ARID4B: variants seen among roughly 807,000 people sequenced by gnomAD.
ARID4B encodes AT-rich interaction domain 4B.
ARID4B carries 26 observed loss-of-function variants against 147.5 expected under a neutral mutation model. The ratio of observed to expected loss-of-function variants is 0.18; its 90% confidence interval spans 0.13 to 0.24. The LOEUF (loss-of-function observed/expected upper bound fraction) is 0.24, where lower values mean the gene tolerates loss of function less well. ARID4B is among the 10% of genes least tolerant of loss of function. ARID4B has a pLI of 1.00. For missense variants in ARID4B, 1,179 were observed against 1,511.5 expected, an observed-to-expected ratio of 0.78 and a Z score of 3.65; for synonymous variants, 512 against 507.9, an observed-to-expected ratio of 1.01 and a Z score of -0.11.
intron 2 of ARID4B, among the ~76,000 whole-genome samples, chr1:235,322,271 C>T (rs1486930851): frequency 6.6e-6 from 1 of 152,130 alleles, no homozygotes; most frequent in Non-Finnish European, 1.5e-5. Context: ...CCACCTGCCT[C>T]AACCTCCCAA....
intron 17 of ARID4B, among the ~76,000 whole-genome samples, chr1:235,208,802 C>A (rs887939397): frequency 6.6e-6 from 1 of 152,160 alleles, no homozygotes; most frequent in African/African-American, 2.4e-5. Flanking sequence ...CAGGCGTGAG[C>A]CACCGTGCCC....
chr1:235,320,120 C>T (rs193028657), intron 2 of ARID4B, among the ~76,000 whole-genome samples: 28 of 143,688 alleles, frequency 1.9e-4, no homozygotes, highest in African/African-American at 7.4e-4. Context: ...AGCGAAACTC[C>T]GTCTAAAAAA....
At chr1:235,191,079 C>A (rs1177056643) in intron 19 of ARID4B, among the ~76,000 whole-genome samples, 1 of 152,084 alleles carries the variant, frequency 6.6e-6, no homozygotes, top group African/African-American at 2.4e-5. Context: ...TGTGCCACTA[C>A]CTAGATCAGC....
At chr1:235,262,605 T>TA (rs2103120864) in intron 2 of ARID4B, among the ~76,000 whole-genome samples, 1 of 152,306 alleles carries the variant, frequency 6.6e-6, no homozygotes, top group African/African-American at 2.4e-5. Context: ...AAATTATGGT[T>TA]ACATTCCAGG....
chr1:235,320,354 G>A (rs146549770), intron 2 of ARID4B, among the ~76,000 whole-genome samples: 1 of 152,132 alleles, frequency 6.6e-6, no homozygotes, highest in African/African-American at 2.4e-5. Flanking sequence ...TGTGCAAGTT[G>A]CAGTAAGTAG....
chr1:235,242,600 G>A (rs1669059924), intron 7 of ARID4B, among the ~76,000 whole-genome samples: 1 of 152,154 alleles, frequency 6.6e-6, no homozygotes, highest in African/African-American at 2.4e-5. Context: ...CAATGTCAGA[G>A]ATAACACATA....
At chr1:235,271,564 A>G (rs1193393605) in intron 2 of ARID4B, among the ~76,000 whole-genome samples, 1 of 151,556 alleles carries the variant, frequency 6.6e-6, no homozygotes, top group Non-Finnish European at 1.5e-5. Context: ...CGGGAGGCGG[A>G]GATTGCAGTG....
chr1:235,260,442 CA>C (rs34620340), intron 3 of ARID4B, among the ~76,000 whole-genome samples, 199 bp downstream of exon 3: 1 of 152,152 alleles, frequency 6.6e-6, no homozygotes, highest in African/African-American at 2.4e-5. Flanking sequence ...AAATGGCATT[CA>C]AAATACCAAC....
intron 23 of ARID4B, among the ~76,000 whole-genome samples, chr1:235,171,833 G>A (rs1461008696): frequency 6.6e-6 from 1 of 151,946 alleles, no homozygotes; most frequent in Non-Finnish European, 1.5e-5. Flanking sequence ...GTAGAGACGG[G>A]GTTTCACTAT....
chr1:235,213,312 T>C (rs1417516475), intron 17 of ARID4B, among the ~76,000 whole-genome samples: 2 of 152,184 alleles, frequency 1.3e-5, no homozygotes, highest in African/African-American at 4.8e-5. Context: ...CAATAGCTGT[T>C]AATAAGGAGA....
intron 2 of ARID4B, among the ~76,000 whole-genome samples, chr1:235,289,540 A>G (rs1672191324): frequency 6.6e-6 from 1 of 152,064 alleles, no homozygotes; most frequent in African/African-American, 2.4e-5. Flanking sequence ...CCTGGACAAC[A>G]TAGTGAGGCC....
In ARID4B at chr1:235,175,414, A is replaced by G; in HGVS notation, c.3449-15T>C. On this transcript the variant is annotated splice_polypyrimidine_tract_variant and intron_variant, in intron 21 of 23. Transcript: ENST00000264183. Reference sequence around the variant, plus strand: ...ACTACTATTTGCTGAAAGAGAAAGAAAAGATTTAATAAACAAAAATGTAAC... The same window carrying G: ...ACTACTATTTGCTGAAAGAGAAAGAGAAGATTTAATAAACAAAAATGTAAC... 1 of 1,581,762 alleles carries G rather than the reference A, an allele frequency of 6.3e-7. No individual in the cohort carries two copies. Among genetic ancestry groups the G allele is most frequent in the South Asian group, 1.1e-5 (1 of 88,066 alleles).
intron 17 of ARID4B, among the ~76,000 whole-genome samples, chr1:235,203,598 GAATA>G (rs1438343199): frequency 1.3e-5 from 2 of 151,962 alleles, no homozygotes; most frequent in Non-Finnish European, 2.9e-5. Context: ...TTTCTATAAT[GAATA>G]GATTCATTTA....
At chr1:235,242,992 CT>C (rs1039113423) in intron 7 of ARID4B, among the ~76,000 whole-genome samples, 2 of 151,766 alleles carry the variant, frequency 1.3e-5, no homozygotes, top group Admixed American at 6.6e-5. Context: ...TATGTTTATT[CT>C]TTTTTTTCAC....
intron 17 of ARID4B, among the ~76,000 whole-genome samples, chr1:235,196,853 C>CAAAAAAAAAAAAAA (rs34581094): frequency 4.5e-5 from 4 of 88,484 alleles, no homozygotes; most frequent in Admixed American, 1.4e-4. Flanking sequence ...CTCTGTTTCA[C>CAAAAAAAAAAAAAA]AAAAAAAAAA....
At chr1:235,178,055 C>A in intron 20 of ARID4B, 142 bp from the exon 21 acceptor site, 1 of 470,576 alleles carries the variant, frequency 2.1e-6, no homozygotes. Flanking sequence ...GAACTTACTA[C>A]AATTTTTAAA....
chr1:235,182,451 C>G lies in ARID4B; in HGVS notation c.2468G>C (p.Gly823Ala), dbSNP rs1343028214. 6.2e-7 allele frequency: 1 copy of G among 1,611,714 alleles called. No individual in the cohort carries two copies. Among genetic ancestry groups the G allele is most frequent in the Admixed American group, 1.7e-5 (1 of 59,486 alleles). Residue 823 changes from glycine (G) to alanine (A), a missense_variant, in exon 20 of 24, where the codon GGT (glycine) becomes GCT (alanine). Physicochemically the swap from Gly to Ala is moderately conservative, Grantham distance 60 (BLOSUM62 0). Coordinates refer to ENST00000264183, the MANE Select transcript of ARID4B (RefSeq NM_016374.6). Reference protein sequence around the residue: ...DKSSKPQIKRGKRRYCNTEEC... With the variant: ...DKSSKPQIKRAKRRYCNTEEC... The stretch of plus-strand genomic sequence containing the variant: ...TTCTGTATTGCAATACCTTCTTTTA[C>G]CACGTTTTATTTGTGGTTTTGAAGA...
chr1:235,321,028 C>A (rs192169897), intron 2 of ARID4B, among the ~76,000 whole-genome samples: 1 of 152,084 alleles, frequency 6.6e-6, no homozygotes, highest in African/African-American at 2.4e-5. Flanking sequence ...GTAAACTCCA[C>A]GAGGGTAAGA....
chr1:235,254,883 T>C (rs1378911358), intron 5 of ARID4B, among the ~76,000 whole-genome samples: 11 of 151,980 alleles, frequency 7.2e-5, no homozygotes, highest in African/African-American at 2.7e-4. Flanking sequence ...AAAACTGAGA[T>C]ACTACTTTAT....
Sources: gnomAD v4.1 joint callset for allele counts (sites outside exome capture counted in the v4.1 genomes callset) on GRCh38, gnomAD v4.1.1 for gene constraint, MANE v1.5 for transcripts, NCBI Gene and HGNC (gene_info 2026-07-23, HGNC 2026-07-21) for gene names.